MSANTD2: variants seen among roughly 807,000 people sequenced by gnomAD.
The protein encoded by MSANTD2 is myb/SANT-like DNA-binding domain-containing protein 2.
Under a neutral mutation model 52.6 loss-of-function variants are expected in MSANTD2, and 19 were observed. The ratio of observed to expected loss-of-function variants is 0.36; its 90% CI spans 0.25 to 0.53. MSANTD2 has a LOEUF of 0.53. Among genes scored for constraint, MSANTD2 ranks in the 20% least tolerant of loss-of-function variants. The pLI is 0.91. For synonymous variants in MSANTD2, 291 were observed against 289.7 expected (o/e 1.00, Z -0.04); for missense variants, 558 against 716.3 (o/e 0.78, Z 2.52).
intron 1 of MSANTD2, among the ~76,000 whole-genome samples, chr11:124,787,296 C>T (rs1157957071): frequency 1.3e-5 from 2 of 152,232 alleles, no homozygotes; most frequent in Non-Finnish European, 2.9e-5. Context: ...CTTACCCTAG[C>T]AATCAGTGTC....
chr11:124,771,710 T>A (rs1305880522), intron 3 of MSANTD2, among the ~76,000 whole-genome samples: 1 of 152,200 alleles, frequency 6.6e-6, no homozygotes, highest in African/African-American at 2.4e-5. Flanking sequence ...ACCACTGCGC[T>A]CCAGCCTGGG....
chr11:124,789,502 A>G (rs1408378925), intron 1 of MSANTD2: 2 of 152,224 alleles, frequency 1.3e-5, no homozygotes, highest in Non-Finnish European at 2.9e-5. Flanking sequence ...ACAGCCAAGA[A>G]CACACACATA....
intron 1 of MSANTD2, chr11:124,784,612 C>T: frequency 1.0e-6 from 1 of 985,050 alleles, no homozygotes; most frequent in Non-Finnish European, 1.2e-6. Flanking sequence ...AGCAGGCTTC[C>T]CCTGAAGCAG....
chr11:124,780,967 G>C (rs1349842347), intron 1 of MSANTD2, among the ~76,000 whole-genome samples: 1 of 152,178 alleles, frequency 6.6e-6, no homozygotes, highest in Non-Finnish European at 1.5e-5. Context: ...CGGATCACCT[G>C]AGGTCAGGAG....
intron 1 of MSANTD2, among the ~76,000 whole-genome samples, chr11:124,786,569 C>T (rs1233493526): frequency 1.3e-5 from 2 of 152,156 alleles, no homozygotes; most frequent in Non-Finnish European, 2.9e-5. Context: ...AGTTGGTGAT[C>T]CAATAAATGC....
At chr11:124,782,711 C>G (rs1398941722) in intron 1 of MSANTD2, among the ~76,000 whole-genome samples, 1 of 152,036 alleles carries the variant, frequency 6.6e-6, no homozygotes, top group African/African-American at 2.4e-5. Flanking sequence ...ATTCCCCAAG[C>G]CTAGAACAGT....
intron 1 of MSANTD2, among the ~76,000 whole-genome samples, chr11:124,793,733 T>G (rs1170018485): frequency 1.3e-5 from 2 of 152,252 alleles, no homozygotes; most frequent in East Asian, 3.9e-4. Context: ...ATGCACTGTT[T>G]GCCCCAGTGA....
intron 1 of MSANTD2, chr11:124,784,746 G>A: frequency 1.2e-6 from 1 of 831,592 alleles, no homozygotes; most frequent in Non-Finnish European, 1.4e-6. Context: ...TCCATTAGTA[G>A]ATTTTACACA....
intron 3 of MSANTD2, among the ~76,000 whole-genome samples, chr11:124,771,523 A>G (rs553898860): frequency 1.3e-5 from 2 of 152,294 alleles, no homozygotes; most frequent in Admixed American, 1.3e-4. Flanking sequence ...TAATCCCAAC[A>G]CTTTGGGAGG....
At chr11:124,772,937 C>A in intron 3 of MSANTD2, 57 bp downstream of exon 3, 1 of 1,073,058 alleles carries the variant, frequency 9.3e-7, no homozygotes, top group South Asian at 1.3e-5. Flanking sequence ...CTGATCTTCC[C>A]AATGGTCATT....
chr11:124,798,618 T>A (rs1487314928), intron 1 of MSANTD2, among the ~76,000 whole-genome samples: 2 of 152,166 alleles, frequency 1.3e-5, no homozygotes, highest in African/African-American at 4.8e-5. Context: ...TGGACCCAGT[T>A]TTCTAAGCAA....
intron 3 of MSANTD2, among the ~76,000 whole-genome samples, chr11:124,771,772 A>C (rs1209468158): frequency 1.3e-5 from 2 of 152,034 alleles, no homozygotes; most frequent in African/African-American, 4.8e-5. Flanking sequence ...AAAACAACTA[A>C]TGTTTTCTTG....
chr11:124,780,783 T>C (rs1048955255), intron 1 of MSANTD2, among the ~76,000 whole-genome samples: 1 of 152,262 alleles, frequency 6.6e-6, no homozygotes, highest in African/African-American at 2.4e-5. Flanking sequence ...AGTACAATTA[T>C]CAGTTCACTC....
rs1944876313 is a variant in MSANTD2 at position 124,779,594 on chromosome 11, G to A, written c.511-4620C>T. Among the ~76,000 whole-genome samples, 1 of 152,226 alleles carries A rather than the reference G, an allele frequency of 6.6e-6. No individual in the cohort carries two copies. Among genetic ancestry groups the A allele is most frequent in the Admixed American group, 6.5e-5 (1 of 15,284 alleles). ...TGTTTAGAAAACATTGGCTTGATCA[G>A]TCTAAGATGTCAGATGAAAAATAAA... is the stretch of plus-strand genomic sequence containing the variant. On this transcript the variant is annotated intron_variant, in intron 1 of 3. Transcript: ENST00000374979. This position sits in a 1 kb window ranked among gnomAD's most constrained non-coding sequence, Gnocchi z 4.6.
intron 1 of MSANTD2, chr11:124,783,793 A>G (rs1331653938): frequency 1.0e-6 from 1 of 985,254 alleles, no homozygotes; most frequent in Non-Finnish European, 1.2e-6. Context: ...CTAAAGAAGG[A>G]CAATACTAAT....
rs1476160654 is a variant in MSANTD2 at position 124,769,990 on chromosome 11, G to A, written c.828-1962C>T. 2.0e-5 allele frequency among the ~76,000 whole-genome samples: 3 copies of A among 152,192 alleles called. No homozygotes were observed. The East Asian group carries it at 5.8e-4, about 29-fold the overall frequency. ...TGATATGAGCCTGAAGCTGATTTGGGCTCAAGATTCAAACCAGCATTTCAA... is the reference window on the plus strand; with the variant it reads ...TGATATGAGCCTGAAGCTGATTTGGACTCAAGATTCAAACCAGCATTTCAA... On this transcript the variant is annotated intron_variant, in intron 3 of 3. Coordinates refer to ENST00000374979, the MANE Select transcript of MSANTD2 (RefSeq NM_001308027.2).
chr11:124,778,456 G>A (rs1230809448), intron 1 of MSANTD2, among the ~76,000 whole-genome samples: 1 of 152,204 alleles, frequency 6.6e-6, no homozygotes, highest in Non-Finnish European at 1.5e-5. Context: ...TTGACATGAT[G>A]CTGTTGTCTC....
At chr11:124,783,714 T>C (rs886421239) in intron 1 of MSANTD2, 2 of 984,710 alleles carry the variant, frequency 2.0e-6, no homozygotes, top group African/African-American at 1.7e-5. Flanking sequence ...TATCAAGTTC[T>C]AAGTTTTCTA....
At chr11:124,786,132 G>A (rs1177414593) in intron 1 of MSANTD2, among the ~76,000 whole-genome samples, 1 of 111,902 alleles carries the variant, frequency 8.9e-6, no homozygotes, top group African/African-American at 3.5e-5. Flanking sequence ...TGGGGTCTGT[G>A]TTGCCCAGGC....
Sources: gnomAD v4.1 joint callset for allele counts (sites outside exome capture counted in the v4.1 genomes callset) on GRCh38, gnomAD v4.1.1 for gene constraint, Gnocchi (gnomAD v3.1) non-coding constraint, MANE v1.5 for transcripts, NCBI Gene and HGNC (gene_info 2026-07-23, HGNC 2026-07-21) for gene names.